The following GPC5 variants were observed in gnomAD, a reference collection of about 807,000 sequenced individuals.
GPC5 encodes the protein glypican-5.
Under a neutral mutation model 53.9 loss-of-function variants are expected in GPC5, and 47 were observed. That is an observed-to-expected ratio of 0.87 (90% CI 0.69 to 1.11). GPC5 has a LOEUF of 1.11. Among genes scored for constraint, GPC5 ranks in the 50% most tolerant of loss-of-function variants. The pLI, the probability that GPC5 is intolerant of heterozygous loss-of-function variation, is 0.00. For missense variants in GPC5, 748 were observed against 713.1 expected, an observed-to-expected ratio of 1.05 and a Z score of -0.56; for synonymous variants, 286 against 263.3, an observed-to-expected ratio of 1.09 and a Z score of -0.84.
At chr13:92,416,455 A>C (rs926478806) in intron 7 of GPC5, among the ~76,000 whole-genome samples, 8 of 152,224 alleles carry the variant, frequency 5.3e-5, no homozygotes, top group African/African-American at 1.7e-4. Flanking sequence ...ACAAGAGCTA[A>C]GACAAAGCAA....
intron 7 of GPC5, among the ~76,000 whole-genome samples, chr13:92,565,810 A>G (rs1171118864): frequency 1.3e-5 from 2 of 151,974 alleles, no homozygotes; most frequent in South Asian, 2.1e-4. Context: ...TTTTTGTTTT[A>G]TATAAAGATG....
At chr13:91,609,157 G>T (rs1368550911) in intron 2 of GPC5, among the ~76,000 whole-genome samples, 1 of 150,688 alleles carries the variant, frequency 6.6e-6, no homozygotes, top group African/African-American at 2.4e-5. Context: ...GCAAATTCCA[G>T]TTAACAGCAC....
rs78505774 is a variant in GPC5, at chr13:91,757,289, A to G, written c.1280+869A>G. Among the ~76,000 whole-genome samples the G allele has an allele frequency of 9.0e-3, 1,363 of 152,224 alleles. 12 individuals are homozygous for G. The highest frequency in any genetic ancestry group is 0.029 in the African/African-American group (1,204 of 41,536). On this transcript the variant is annotated intron_variant, in intron 5 of 7. Transcript: ENST00000377067. ...AAATAAATATATTTTTTATTTGTAC[A>G]TTTTACATTTTGGATTTGAATCCAT...
At chr13:92,546,651 G>A (rs923915432) in intron 7 of GPC5, among the ~76,000 whole-genome samples, 2 of 152,120 alleles carry the variant, frequency 1.3e-5, no homozygotes, top group Non-Finnish European at 2.9e-5. Flanking sequence ...TTTCTTCACA[G>A]AATTGGAAAA....
rs560808598 is a variant in GPC5 at position 92,735,361 on chromosome 13, C to A, written c.1562-130921C>A. ...CTTTTTTATTGAAGTCATGCATTGG[C>A]CAGCATTTTAACCCAATAACCTAAG... On this transcript the variant is annotated intron_variant, in intron 7 of 7. Transcript: ENST00000377067. Among the ~76,000 whole-genome samples the A allele has an allele frequency of 3.3e-5, 5 of 152,004 alleles. No homozygotes were observed. In the South Asian group the frequency reaches 8.3e-4, roughly 25 times the overall value.
At chr13:92,475,223 T>A (rs534567230) in intron 7 of GPC5, among the ~76,000 whole-genome samples, 3,446 of 150,266 alleles carry the variant, frequency 0.023, 53 homozygotes, top group Non-Finnish European at 0.035. Context: ...AAGTAGTTTT[T>A]TCCAATTCTG....
chr13:91,468,209 T>C (rs1013667257), intron 2 of GPC5, among the ~76,000 whole-genome samples: 4 of 151,918 alleles, frequency 2.6e-5, no homozygotes, highest in African/African-American at 9.7e-5. Context: ...GATATGGTGC[T>C]CTCTAATATT....
chr13:92,327,738 T>C (rs187771047), intron 7 of GPC5, among the ~76,000 whole-genome samples: 2 of 152,278 alleles, frequency 1.3e-5, no homozygotes, highest in East Asian at 1.9e-4. Flanking sequence ...CCAATTTCTT[T>C]TACAACGAAA....
chr13:91,911,736 G>A lies in GPC5; in HGVS notation c.1401+3679G>A, dbSNP rs1045188390. Among the ~76,000 whole-genome samples the A allele has an allele frequency of 2.0e-5, 3 of 152,264 alleles. No individual in the cohort carries two copies. The East Asian group carries it at 5.8e-4, about 29-fold the overall frequency. ...AGAATAATAAGAGTGGATACGCTGA[G>A]AAGTGCATAGATTTAGACAAATGTT... On this transcript the variant is annotated intron_variant, in intron 6 of 7. Transcript: ENST00000377067.
At chr13:91,719,487 A>G (rs900378759) in intron 3 of GPC5, among the ~76,000 whole-genome samples, 1 of 152,164 alleles carries the variant, frequency 6.6e-6, no homozygotes, top group Non-Finnish European at 1.5e-5. Flanking sequence ...TACCTGCACT[A>G]TCTCTGAAAT....
intron 7 of GPC5, among the ~76,000 whole-genome samples, chr13:92,200,956 C>G (rs991184096): frequency 8.3e-5 from 12 of 145,000 alleles, no homozygotes; most frequent in Non-Finnish European, 1.6e-4. Context: ...GAGCAACAGA[C>G]AGACACACAG....
chr13:92,534,205 T>A (rs1300172554), intron 7 of GPC5, among the ~76,000 whole-genome samples: 1 of 152,118 alleles, frequency 6.6e-6, no homozygotes, highest in Non-Finnish European at 1.5e-5. Context: ...GATGGTCGCT[T>A]GAGCCTGGGA....
intron 6 of GPC5, among the ~76,000 whole-genome samples, chr13:92,010,112 A>G (rs1318619433): frequency 2.0e-5 from 3 of 152,210 alleles, no homozygotes; most frequent in African/African-American, 7.2e-5. Flanking sequence ...AAAATACTGC[A>G]TTCTTGGTAA....
intron 7 of GPC5, among the ~76,000 whole-genome samples, chr13:92,505,034 T>G (rs1485973034): frequency 6.6e-6 from 1 of 151,650 alleles, no homozygotes; most frequent in African/African-American, 2.4e-5. Flanking sequence ...TTTTGTTCTT[T>G]GAACTTACTG....
intron 7 of GPC5, among the ~76,000 whole-genome samples, chr13:92,659,499 T>A (rs547462729): frequency 6.6e-6 from 1 of 151,684 alleles, no homozygotes; most frequent in African/African-American, 2.4e-5. Context: ...GAAAGAAAAC[T>A]CTGAGGAACA....
intron 7 of GPC5, among the ~76,000 whole-genome samples, chr13:92,271,226 C>T (rs2042837735): frequency 6.6e-6 from 1 of 152,160 alleles, no homozygotes; most frequent in South Asian, 2.1e-4. Flanking sequence ...ATCTACTATG[C>T]CTTGCCAAAG....
intron 2 of GPC5, among the ~76,000 whole-genome samples, chr13:91,691,830 A>G (rs995787642): frequency 5.3e-5 from 8 of 152,034 alleles, no homozygotes; most frequent in Non-Finnish European, 1.2e-4. Context: ...TTTGTAATAT[A>G]CTCAAACAGT....
At chr13:91,787,533 A>T (rs768803501) in intron 5 of GPC5, among the ~76,000 whole-genome samples, 45 of 152,210 alleles carry the variant, frequency 3.0e-4, no homozygotes, top group Non-Finnish European at 2.4e-4. Context: ...TGATATCAAC[A>T]TTTAAATAAT....
chr13:92,732,079 A>C (rs1888822658), intron 7 of GPC5, among the ~76,000 whole-genome samples: 1 of 151,480 alleles, frequency 6.6e-6, no homozygotes, highest in Non-Finnish European at 1.5e-5. Context: ...AAATAGAAGC[A>C]TATGCAACTG....
Sources: gnomAD v4.1 joint callset for allele counts (sites outside exome capture counted in the v4.1 genomes callset) on GRCh38, gnomAD v4.1.1 for gene constraint, MANE v1.5 for transcripts, NCBI Gene and HGNC (gene_info 2026-07-23, HGNC 2026-07-21) for gene names.